SUSD4: variants seen among roughly 807,000 people sequenced by gnomAD.
SUSD4 encodes sushi domain containing 4, also known as sushi domain-containing protein 4.
In SUSD4, 41 loss-of-function variants were observed where a neutral mutation model predicts 50.5. The observed-to-expected ratio is 0.81, with a 90% confidence interval of 0.63 to 1.05. SUSD4 has a LOEUF of 1.05. Among genes scored for constraint, SUSD4 ranks in the 50% least tolerant of loss-of-function variants. SUSD4 has a pLI of 0.00. For synonymous variants in SUSD4, 257 were observed against 257.3 expected, an observed-to-expected ratio of 1.00 and a Z score of 0.01; for missense variants, 580 against 634.7, an observed-to-expected ratio of 0.91 and a Z score of 0.93.
chr1:223,224,862 CTTTTTT>C (rs11345619), intron 7 of SUSD4, among the ~76,000 whole-genome samples: 23 of 59,284 alleles, frequency 3.9e-4, no homozygotes, highest in African/African-American at 1.1e-3. Flanking sequence ...TGGTTTCTTC[CTTTTTT>C]TTTTTTTTTT....
chr1:223,315,665 A>G (rs1026575031), intron 2 of SUSD4, among the ~76,000 whole-genome samples: 1 of 152,220 alleles, frequency 6.6e-6, no homozygotes, highest in African/African-American at 2.4e-5. Context: ...GGTTTTGTCT[A>G]TGCAGGGAGA....
intron 5 of SUSD4, among the ~76,000 whole-genome samples, chr1:223,252,219 TAAAAA>T (rs68004270): frequency 1.5e-5 from 2 of 129,072 alleles, no homozygotes; most frequent in African/African-American, 3.0e-5. Flanking sequence ...AAAGTATAAT[TAAAAA>T]AAAAAAAAAA....
chr1:223,296,029 A>C (rs1664799584), intron 2 of SUSD4, among the ~76,000 whole-genome samples: 1 of 147,820 alleles, frequency 6.8e-6, no homozygotes, highest in Admixed American at 6.8e-5. Context: ...CCTTTATCAA[A>C]GGACAGATCA....
At chr1:223,325,101 G>T (rs1378780274) in intron 2 of SUSD4, among the ~76,000 whole-genome samples, 1 of 152,080 alleles carries the variant, frequency 6.6e-6, no homozygotes, top group Non-Finnish European at 1.5e-5. Flanking sequence ...ACCCAGCCAG[G>T]ACTGGAACGA....
chr1:223,247,206 T>C (rs1371333970), intron 5 of SUSD4, among the ~76,000 whole-genome samples: 1 of 152,230 alleles, frequency 6.6e-6, no homozygotes, highest in Non-Finnish European at 1.5e-5. Context: ...TAACCCATGT[T>C]CCACGAGCAC....
At chr1:223,336,336 C>T (rs941198002) in intron 2 of SUSD4, among the ~76,000 whole-genome samples, 14 of 152,148 alleles carry the variant, frequency 9.2e-5, no homozygotes, top group African/African-American at 3.1e-4. Flanking sequence ...AGGAAACTGT[C>T]GTCATTCCCC....
chr1:223,302,928 A>G (rs150701797), intron 2 of SUSD4, among the ~76,000 whole-genome samples: 1 of 152,344 alleles, frequency 6.6e-6, no homozygotes, highest in African/African-American at 2.4e-5. Context: ...GCTTAAGTCT[A>G]GGAGTTTCAG....
In SUSD4 at chr1:223,271,346, G is replaced by A. The variant is rs188693245; in HGVS notation, c.362-2671C>T. Among the ~76,000 whole-genome samples the A allele has an allele frequency of 2.4e-3, 372 of 152,262 alleles. 1 individual carries two copies. Among genetic ancestry groups the A allele is most frequent in the African/African-American group, 8.5e-3 (352 of 41,558 alleles). On this transcript the variant is annotated intron_variant, in intron 3 of 8. Transcript: ENST00000366878. The stretch of plus-strand genomic sequence containing the variant: ...TCTCAGCATAGTGTTGTGTAATGTA[G>A]AACGCTTTCAACTTCTAGTTAGAGC...
At chr1:223,270,421 G>A (rs550557218) in intron 3 of SUSD4, among the ~76,000 whole-genome samples, 7 of 152,260 alleles carry the variant, frequency 4.6e-5, no homozygotes, top group African/African-American at 7.2e-5. Flanking sequence ...ACAGGCTTGG[G>A]GCACAGCCCT....
chr1:223,265,280 G>A (rs1571920704), intron 4 of SUSD4, among the ~76,000 whole-genome samples: 1 of 152,212 alleles, frequency 6.6e-6, no homozygotes, highest in African/African-American at 2.4e-5. Flanking sequence ...CAGAAGCTTA[G>A]GTTCCAAACT....
At chr1:223,240,961 A>T (rs1216596636) in intron 5 of SUSD4, among the ~76,000 whole-genome samples, 1 of 152,218 alleles carries the variant, frequency 6.6e-6, no homozygotes, top group African/African-American at 2.4e-5. Flanking sequence ...TGTAGCCCTA[A>T]GAGTGGGTCT....
At chr1:223,281,657 G>T (rs1571963563) in intron 3 of SUSD4, among the ~76,000 whole-genome samples, 1 of 152,160 alleles carries the variant, frequency 6.6e-6, no homozygotes, top group East Asian at 1.9e-4. Context: ...TCTACTAGAG[G>T]TACAAGGAGG....
intron 5 of SUSD4, among the ~76,000 whole-genome samples, chr1:223,260,768 G>A (rs1662058254): frequency 1.3e-5 from 2 of 152,184 alleles, no homozygotes; most frequent in Non-Finnish European, 2.9e-5. Flanking sequence ...CAATAGTGCA[G>A]GCCTTAAAAC....
At chr1:223,313,940 C>T (rs1378480820) in intron 2 of SUSD4, among the ~76,000 whole-genome samples, 3 of 152,140 alleles carry the variant, frequency 2.0e-5, no homozygotes, top group Non-Finnish European at 4.4e-5. Context: ...ATTGCCCACC[C>T]CTTCCCGGGA....
intron 2 of SUSD4, among the ~76,000 whole-genome samples, chr1:223,361,840 T>A (rs998279529): frequency 1.3e-5 from 2 of 152,140 alleles, no homozygotes; most frequent in African/African-American, 4.8e-5. Flanking sequence ...ATCCACGCAA[T>A]ACTGTTCTGC....
At chr1:223,325,434 A>G (rs764382145) in intron 2 of SUSD4, among the ~76,000 whole-genome samples, 1 of 152,170 alleles carries the variant, frequency 6.6e-6, no homozygotes, top group Non-Finnish European at 1.5e-5. Context: ...TCATCAACAT[A>G]CATAATGTTC....
At chr1:223,255,620 C>G (rs1488469351) in intron 5 of SUSD4, among the ~76,000 whole-genome samples, 1 of 152,138 alleles carries the variant, frequency 6.6e-6, no homozygotes, top group Non-Finnish European at 1.5e-5. Flanking sequence ...TGTTCCAGAA[C>G]CCCTGGCCAA....
intron 3 of SUSD4, among the ~76,000 whole-genome samples, chr1:223,277,198 C>T (rs997524124): frequency 6.6e-6 from 1 of 152,166 alleles, no homozygotes; most frequent in African/African-American, 2.4e-5. Flanking sequence ...CTCAAAGAAC[C>T]TTCTTAACAT....
rs528470487 is a variant in SUSD4 at position 223,329,925 on chromosome 1, G to A, written c.148+33353C>T. ...GAATGGATGGATGAACAGATGGACA[G>A]ATGAATGAATGGATGGATAAATGGA... On this transcript the variant is annotated intron_variant, in intron 2 of 8. Coordinates refer to ENST00000366878, the MANE Select transcript of SUSD4 (RefSeq NM_017982.4). Among the ~76,000 whole-genome samples the A allele has an allele frequency of 5.3e-5, 8 of 152,296 alleles. No individual in the cohort carries two copies. In the South Asian group the frequency reaches 6.2e-4, roughly 12 times the overall value.
Sources: allele counts gnomAD v4.1 joint callset (sites outside exome capture counted in the v4.1 genomes callset), GRCh38; gene constraint gnomAD v4.1.1; transcripts MANE v1.5; gene names NCBI Gene and HGNC (gene_info 2026-07-23, HGNC 2026-07-21).